PACS1: variants seen among roughly 807,000 people sequenced by gnomAD.
PACS1 encodes phosphofurin acidic cluster sorting protein 1, also known as PACS-1.
In PACS1, 24 loss-of-function variants were observed where a neutral mutation model predicts 115.0. The observed-to-expected ratio is 0.21, with a 90% CI of 0.15 to 0.29. PACS1 has a LOEUF of 0.29. Ranked by LOEUF, PACS1 falls within the 10% of genes least tolerant of loss-of-function variation. The probability of loss-of-function intolerance (pLI) is 1.00; values close to 1 mark genes in which losing one functional copy is unlikely to be tolerated. For missense variants in PACS1, 838 were observed against 1,251.2 expected, an observed-to-expected ratio of 0.67 and a Z score of 4.98; for synonymous variants, 453 against 504.5, an observed-to-expected ratio of 0.90 and a Z score of 1.37.
intron 1 of PACS1, among the ~76,000 whole-genome samples, chr11:66,175,081 G>A (rs989867060): frequency 5.3e-5 from 8 of 151,960 alleles, no homozygotes; most frequent in African/African-American, 1.9e-4. Context: ...AACCCAGGAG[G>A]CAGAGGTTGC....
chr11:66,127,935 G>T (rs569168102), intron 1 of PACS1, among the ~76,000 whole-genome samples: 1 of 152,154 alleles, frequency 6.6e-6, no homozygotes, highest in African/African-American at 2.4e-5. Flanking sequence ...TTGATAAAAC[G>T]CCTAGATCTT....
chr11:66,088,472 G>A (rs1334478077), intron 1 of PACS1, among the ~76,000 whole-genome samples: 6 of 152,028 alleles, frequency 3.9e-5, no homozygotes, highest in African/African-American at 7.3e-5. Flanking sequence ...CCCCTGATAC[G>A]GATACTCAAC....
intron 8 of PACS1, 59 bp downstream of exon 8, chr11:66,219,864 A>C: frequency 1.7e-6 from 2 of 1,183,132 alleles, no homozygotes; most frequent in Non-Finnish European, 2.5e-6. Flanking sequence ...TTCACCCAGC[A>C]TCCCTGGAGT....
chr11:66,172,974 CA>C (rs10684950), intron 1 of PACS1, among the ~76,000 whole-genome samples: 3,428 of 88,310 alleles, frequency 0.039, 115 homozygotes, highest in African/African-American at 0.11. Context: ...GACTCTGTCT[CA>C]AAAAAAAAAA....
At chr11:66,190,488 C>T (rs938339676) in intron 1 of PACS1, among the ~76,000 whole-genome samples, 1 of 152,136 alleles carries the variant, frequency 6.6e-6, no homozygotes, top group African/African-American at 2.4e-5. Flanking sequence ...TGCAATGGCG[C>T]AATCTTGGCT....
At chr11:66,085,236 A>G (rs1453705076) in intron 1 of PACS1, among the ~76,000 whole-genome samples, 1 of 152,142 alleles carries the variant, frequency 6.6e-6, no homozygotes, top group African/African-American at 2.4e-5. Flanking sequence ...TTGCTGTATC[A>G]GACAGCCTGT....
At chr11:66,225,507 G>T (rs920311209) in intron 10 of PACS1, among the ~76,000 whole-genome samples, 6 of 152,216 alleles carry the variant, frequency 3.9e-5, no homozygotes, top group African/African-American at 1.4e-4. Flanking sequence ...CCAAGTTAAA[G>T]ATATTATCAG....
chr11:66,221,068 AC>A, intron 9 of PACS1, 85 bp from the exon 10 acceptor site: 1 of 1,313,954 alleles, frequency 7.6e-7, no homozygotes, highest in Non-Finnish European at 1.1e-6. Context: ...TTGTTGACCC[AC>A]CCTGAATGCC....
At chr11:66,097,967 C>T (rs1857824592) in intron 1 of PACS1, among the ~76,000 whole-genome samples, 1 of 152,144 alleles carries the variant, frequency 6.6e-6, no homozygotes, top group Non-Finnish European at 1.5e-5. Flanking sequence ...CGCCTGAGCT[C>T]AGGAGTTTGA....
In PACS1 at chr11:66,235,306, C is replaced by G; in HGVS notation, c.2110C>G (p.Leu704Val). 6.2e-7 allele frequency: 1 copy of G among 1,613,412 alleles called. No individual in the cohort carries two copies. The highest frequency in any genetic ancestry group is 8.5e-7 in the Non-Finnish European group (1 of 1,179,424). Residue 704 changes from leucine (L) to valine (V), a missense_variant, in exon 18 of 24, where the codon CTG becomes GTG. Physicochemically the swap from Leu to Val is conservative, Grantham distance 32. Around this residue, in one of 6 missense-constraint regions of PACS1, gnomAD observed 383 missense variants for 537.0 expected, o/e 0.71. Transcript: ENST00000320580. The surrounding 1 kb of genome is among the most constrained non-coding windows in gnomAD (Gnocchi z 5.6). The part of the protein sequence containing the change: ...SRSEPPVSEQ[L>V]DVAGRVMQYV... ...ATCTCTTGGCTTTTCTGCAGAGCAACTGGACGTGGCAGGGCGGGTGATGCA... is the reference window on the plus strand; with the variant it reads ...ATCTCTTGGCTTTTCTGCAGAGCAAGTGGACGTGGCAGGGCGGGTGATGCA...
At chr11:66,086,507 G>A (rs1227863415) in intron 1 of PACS1, among the ~76,000 whole-genome samples, 1 of 152,232 alleles carries the variant, frequency 6.6e-6, no homozygotes, top group East Asian at 1.9e-4. Context: ...GTGTCTGGCA[G>A]GGCCAAAGGC....
intron 2 of PACS1, among the ~76,000 whole-genome samples, chr11:66,208,822 A>C (rs546470478): frequency 1.3e-5 from 2 of 152,114 alleles, no homozygotes; most frequent in Non-Finnish European, 2.9e-5. Flanking sequence ...TTGAATAGAA[A>C]TGTTTCTTTA....
At chr11:66,081,593 T>C (rs973723996) in intron 1 of PACS1, among the ~76,000 whole-genome samples, 6 of 152,136 alleles carry the variant, frequency 3.9e-5, no homozygotes, top group African/African-American at 1.4e-4. Context: ...AAACAAAATA[T>C]TTTGGTTCTC....
intron 1 of PACS1, among the ~76,000 whole-genome samples, chr11:66,126,374 T>C (rs1858571604): frequency 6.6e-6 from 1 of 152,202 alleles, no homozygotes; most frequent in Non-Finnish European, 1.5e-5. Flanking sequence ...GGCAGACAGG[T>C]AATCCCTGAA....
intron 1 of PACS1, among the ~76,000 whole-genome samples, chr11:66,087,449 G>A (rs1014422419): frequency 2.0e-5 from 3 of 152,098 alleles, no homozygotes; most frequent in South Asian, 2.1e-4. Flanking sequence ...CACCATGTTG[G>A]CCAGGCTGGT....
intron 1 of PACS1, among the ~76,000 whole-genome samples, chr11:66,130,749 G>A (rs1335197844): frequency 6.6e-6 from 1 of 152,136 alleles, no homozygotes; most frequent in Non-Finnish European, 1.5e-5. Context: ...CTAAGTGACA[G>A]ACACCTTATT....
At chr11:66,186,904 C>A (rs1199464772) in intron 1 of PACS1, among the ~76,000 whole-genome samples, 1 of 152,216 alleles carries the variant, frequency 6.6e-6, no homozygotes, top group African/African-American at 2.4e-5. Context: ...CCCTTCCAAT[C>A]AGTGCCTCCA....
intron 2 of PACS1, among the ~76,000 whole-genome samples, chr11:66,208,093 C>T (rs984538973): frequency 2.0e-5 from 3 of 152,156 alleles, no homozygotes; most frequent in Admixed American, 2.0e-4. Flanking sequence ...CAGCCTTCCC[C>T]CTATGGCCAT....
At chr11:66,150,922 A>G (rs989115080) in intron 1 of PACS1, among the ~76,000 whole-genome samples, 3 of 152,176 alleles carry the variant, frequency 2.0e-5, no homozygotes, top group African/African-American at 4.8e-5. Flanking sequence ...ATCAGTACCC[A>G]TGGTGGTTTC....
Sources: gnomAD v4.1 joint callset for allele counts (sites outside exome capture counted in the v4.1 genomes callset) on GRCh38, gnomAD v4.1.1 for gene constraint, gnomAD v4.1.1 regional missense constraint, Gnocchi (gnomAD v3.1) non-coding constraint, MANE v1.5 for transcripts, NCBI Gene and HGNC (gene_info 2026-07-23, HGNC 2026-07-21) for gene names.